SEMA3A: variants seen among roughly 807,000 people sequenced by gnomAD.
The protein encoded by SEMA3A is semaphorin-3A.
SEMA3A carries 29 observed loss-of-function variants against 97.9 expected under a neutral mutation model. The observed-to-expected ratio is 0.30, with a 90% CI of 0.22 to 0.40. The LOEUF is 0.40. Among genes scored for constraint, SEMA3A ranks in the 10% least tolerant of loss-of-function variants. The pLI is 1.00. For synonymous variants in SEMA3A, 321 were observed against 323.7 expected (o/e 0.99, Z 0.09); for missense variants, 763 against 951.3 (o/e 0.80, Z 2.60).
chr7:84,136,976 G>GGAAGGAAGGAAC (rs1796147311), intron 1 of SEMA3A, among the ~76,000 whole-genome samples: 1 of 149,596 alleles, frequency 6.7e-6, no homozygotes, highest in South Asian at 2.1e-4. Context: ...AAGGAAGGAA[G>GGAAGGAAGGAAC]GAAGGAAGGA....
chr7:84,009,006 C>A (rs1364281974), intron 9 of SEMA3A, among the ~76,000 whole-genome samples: 2 of 152,124 alleles, frequency 1.3e-5, no homozygotes, highest in Non-Finnish European at 2.9e-5. Context: ...GCTATTAGGA[C>A]TCACATACAA....
At chr7:84,423,091 A>G (rs1804644150) in intron 1 of SEMA3A, among the ~76,000 whole-genome samples, 1 of 152,080 alleles carries the variant, frequency 6.6e-6, no homozygotes, top group Non-Finnish European at 1.5e-5. Context: ...AGCTTCCAAT[A>G]GATAATAGTT....
intron 1 of SEMA3A, among the ~76,000 whole-genome samples, chr7:84,445,899 A>C (rs1805402332): frequency 6.6e-6 from 1 of 152,080 alleles, no homozygotes; most frequent in African/African-American, 2.4e-5. Context: ...AATGAAGAAA[A>C]GCAATAAAAC....
chr7:83,993,807 T>C (rs1337600794), intron 12 of SEMA3A, among the ~76,000 whole-genome samples: 1 of 128,526 alleles, frequency 7.8e-6, no homozygotes, highest in East Asian at 2.3e-4. Context: ...GAGTTGCTCT[T>C]CTCGAGGAGT....
intron 4 of SEMA3A, among the ~76,000 whole-genome samples, chr7:84,086,086 G>A (rs941840173): frequency 1.3e-5 from 2 of 151,974 alleles, no homozygotes; most frequent in African/African-American, 2.4e-5. Flanking sequence ...ACTTCTCTAC[G>A]AGTGCTCTGT....
intron 6 of SEMA3A, among the ~76,000 whole-genome samples, chr7:84,025,209 G>C (rs980380238): frequency 6.6e-6 from 1 of 152,152 alleles, no homozygotes; most frequent in Non-Finnish European, 1.5e-5. Context: ...GATGAACAAA[G>C]ACTAATTATA....
chr7:84,117,670 A>G (rs978795234), intron 3 of SEMA3A, among the ~76,000 whole-genome samples: 2 of 152,196 alleles, frequency 1.3e-5, no homozygotes, highest in Non-Finnish European at 1.5e-5. Flanking sequence ...CTTTGGTGGA[A>G]CAGTTTCACC....
intron 3 of SEMA3A, among the ~76,000 whole-genome samples, chr7:84,305,131 A>G (rs1036980140): frequency 1.3e-5 from 2 of 151,902 alleles, no homozygotes; most frequent in Non-Finnish European, 2.9e-5. Flanking sequence ...TTACTGACAG[A>G]ATTAGACAAG....
At chr7:84,253,416 G>T (rs963662157) in intron 3 of SEMA3A, among the ~76,000 whole-genome samples, 2 of 151,958 alleles carry the variant, frequency 1.3e-5, no homozygotes, top group African/African-American at 4.8e-5. Flanking sequence ...AGATTAAGTG[G>T]CCCAGTTACT....
At chr7:84,361,634 T>C (rs1393967270) in intron 2 of SEMA3A, among the ~76,000 whole-genome samples, 1 of 151,976 alleles carries the variant, frequency 6.6e-6, no homozygotes, top group Non-Finnish European at 1.5e-5. Context: ...GACTCCTAAT[T>C]ACTAATGATA....
intron 1 of SEMA3A, among the ~76,000 whole-genome samples, chr7:84,441,585 A>G (rs1805274861): frequency 1.3e-5 from 2 of 152,108 alleles, no homozygotes; most frequent in Non-Finnish European, 2.9e-5. Context: ...ACATACAGAA[A>G]AGAAAAGAGA....
chr7:83,987,998 C>T (rs1193150149), intron 12 of SEMA3A, among the ~76,000 whole-genome samples: 1 of 152,160 alleles, frequency 6.6e-6, no homozygotes, highest in African/African-American at 2.4e-5. Flanking sequence ...TTTCTGTATC[C>T]ATAACTATTA....
intron 1 of SEMA3A, among the ~76,000 whole-genome samples, chr7:84,453,548 C>T (rs1250456499): frequency 6.6e-6 from 1 of 152,054 alleles, no homozygotes; most frequent in Non-Finnish European, 1.5e-5. Flanking sequence ...GACTTTGTTT[C>T]TATTGAGTGA....
intron 1 of SEMA3A, among the ~76,000 whole-genome samples, chr7:84,142,062 T>A (rs1445015151): frequency 6.6e-6 from 1 of 152,198 alleles, no homozygotes; most frequent in Non-Finnish European, 1.5e-5. Context: ...TTTCCTCAAA[T>A]ATGCTTATAA....
intron 1 of SEMA3A, among the ~76,000 whole-genome samples, chr7:84,399,546 AGAGGACTTT>A (rs1181387341): frequency 6.6e-6 from 1 of 152,206 alleles, no homozygotes; most frequent in East Asian, 1.9e-4. Flanking sequence ...TGAAGAATAC[AGAGGACTTT>A]GTCCTCCAAC....
At chr7:83,980,108 A>G (rs1410976097) in intron 14 of SEMA3A, among the ~76,000 whole-genome samples, 1 of 152,146 alleles carries the variant, frequency 6.6e-6, no homozygotes, top group Non-Finnish European at 1.5e-5. Flanking sequence ...GAGATACTGT[A>G]TGTTAATTTC....
intron 4 of SEMA3A, among the ~76,000 whole-genome samples, chr7:84,097,825 T>C (rs1794823353): frequency 6.6e-6 from 1 of 152,088 alleles, no homozygotes; most frequent in South Asian, 2.1e-4. Context: ...TTGCATTCAA[T>C]GAAAGTTGAA....
At position 84,285,480 on chromosome 7, in the gene SEMA3A, T is replaced by C. The variant is rs1208413010; in HGVS notation, c.-83+21727A>G. 4.6e-5 allele frequency among the ~76,000 whole-genome samples: 7 copies of C among 152,146 alleles called. No homozygotes were observed. The East Asian group carries it at 9.6e-4, about 21-fold the overall frequency. The stretch of plus-strand genomic sequence containing the variant: ...AAATCTCTATTTAATAGAAAACTTA[T>C]TATATTTCTTTTTCAACTAAATATT... On this transcript the variant is annotated intron_variant, in intron 3 of 3. Coordinates refer to the SEMA3A transcript ENST00000424555.
intron 3 of SEMA3A, among the ~76,000 whole-genome samples, chr7:84,122,406 C>A (rs899622817): frequency 6.6e-6 from 1 of 151,976 alleles, no homozygotes; most frequent in African/African-American, 2.4e-5. Flanking sequence ...GAATGGCAAT[C>A]ATTAAAAAGT....
Sources: gnomAD v4.1 joint callset for allele counts (sites outside exome capture counted in the v4.1 genomes callset) on GRCh38, gnomAD v4.1.1 for gene constraint, MANE v1.5 for transcripts, NCBI Gene and HGNC (gene_info 2026-07-23, HGNC 2026-07-21) for gene names.